RIT2: variants seen among roughly 807,000 people sequenced by gnomAD.
RIT2 encodes Ras like without CAAX 2.
A neutral mutation model predicts 23.7 loss-of-function variants in RIT2; 24 were observed. That is an observed-to-expected ratio of 1.01 (90% CI 0.73 to 1.43). The LOEUF is 1.43. Among genes scored for constraint, RIT2 ranks in the 40% most tolerant of loss-of-function variants. The pLI is 0.00. For missense variants in RIT2, 236 were observed against 266.9 expected, an observed-to-expected ratio of 0.88 and a Z score of 0.81; for synonymous variants, 107 against 91.1, an observed-to-expected ratio of 1.17 and a Z score of -0.99.
At chr18:42,862,770 A>G (rs768235198) in intron 4 of RIT2, among the ~76,000 whole-genome samples, 18 of 152,202 alleles carry the variant, frequency 1.2e-4, no homozygotes, top group Non-Finnish European at 2.5e-4. Flanking sequence ...CGTGTTGGTT[A>G]ACATTAGTGT....
rs192171707 is a variant in RIT2, at chr18:42,856,484, T to C, written c.426+67088A>G. On this transcript the variant is annotated intron_variant, in intron 4 of 4. Transcript: ENST00000326695. ...TTTTCATTCTATGAAGCCTTCTGTGTATACACATTAAATTCATTTGTATGC... is the reference window on the plus strand; with the variant it reads ...TTTTCATTCTATGAAGCCTTCTGTGCATACACATTAAATTCATTTGTATGC... 1.2e-4 allele frequency among the ~76,000 whole-genome samples: 19 copies of C among 152,364 alleles called. No homozygotes were observed. The East Asian group carries it at 3.7e-3, about 29-fold the overall frequency.
chr18:42,901,963 T>C (rs940235319), intron 4 of RIT2, among the ~76,000 whole-genome samples: 2 of 151,976 alleles, frequency 1.3e-5, no homozygotes, highest in Non-Finnish European at 2.9e-5. Context: ...TGAATGAAGA[T>C]GCAGATATAG....
chr18:42,901,121 A>C (rs1463706194), intron 4 of RIT2, among the ~76,000 whole-genome samples: 1 of 152,078 alleles, frequency 6.6e-6, no homozygotes, highest in Non-Finnish European at 1.5e-5. Flanking sequence ...TCATAGTATA[A>C]AGAATGGCAG....
At chr18:43,039,047 G>C (rs138123161) in intron 1 of RIT2, among the ~76,000 whole-genome samples, 1 of 152,080 alleles carries the variant, frequency 6.6e-6, no homozygotes, top group African/African-American at 2.4e-5. Context: ...ACATCTTGAA[G>C]ATGAATACCA....
chr18:42,799,902 A>T (rs573739691), intron 4 of RIT2, among the ~76,000 whole-genome samples: 2 of 152,152 alleles, frequency 1.3e-5, no homozygotes, highest in East Asian at 1.9e-4. Context: ...TTCTCCCACC[A>T]TTATTATAGA....
chr18:42,820,435 T>C (rs944389248), intron 4 of RIT2, among the ~76,000 whole-genome samples: 1 of 152,168 alleles, frequency 6.6e-6, no homozygotes, highest in Non-Finnish European at 1.5e-5. Context: ...TTCTCTGGTC[T>C]CTGCCCCAGC....
chr18:42,974,328 T>G (rs1003044693), intron 2 of RIT2, among the ~76,000 whole-genome samples, 181 bp from the exon 3 acceptor site: 1 of 152,020 alleles, frequency 6.6e-6, no homozygotes, highest in Non-Finnish European at 1.5e-5. Flanking sequence ...GTGTTTCTGC[T>G]TATGGTGAAA....
chr18:42,971,791 T>C (rs1184233391), intron 3 of RIT2, among the ~76,000 whole-genome samples: 2 of 151,988 alleles, frequency 1.3e-5, no homozygotes, highest in Non-Finnish European at 2.9e-5. Context: ...TCTTGAGAAG[T>C]AGCACAAGTA....
At chr18:42,772,846 T>G (rs1913583195) in intron 4 of RIT2, among the ~76,000 whole-genome samples, 2 of 152,162 alleles carry the variant, frequency 1.3e-5, no homozygotes, top group Non-Finnish European at 2.9e-5. Context: ...TAGTTGGAAA[T>G]GATTTTTGCC....
At chr18:43,024,221 T>C (rs1471464475) in intron 2 of RIT2, among the ~76,000 whole-genome samples, 2 of 152,008 alleles carry the variant, frequency 1.3e-5, no homozygotes, top group Non-Finnish European at 2.9e-5. Flanking sequence ...CATAGATCAA[T>C]GACACAGAAT....
intron 4 of RIT2, among the ~76,000 whole-genome samples, chr18:42,814,004 G>T (rs1905923440): frequency 6.6e-6 from 1 of 152,142 alleles, no homozygotes; most frequent in South Asian, 2.1e-4. Flanking sequence ...CCTACCTGGA[G>T]CTGAGTCAAT....
At chr18:42,792,269 G>A (rs1011575791) in intron 4 of RIT2, among the ~76,000 whole-genome samples, 2 of 152,044 alleles carry the variant, frequency 1.3e-5, no homozygotes, top group African/African-American at 4.8e-5. Flanking sequence ...TTGATTTGCA[G>A]CTGATTTAAT....
chr18:42,991,284 G>A (rs1598740800), intron 2 of RIT2, among the ~76,000 whole-genome samples: 1 of 152,156 alleles, frequency 6.6e-6, no homozygotes, highest in African/African-American at 2.4e-5. Context: ...CTGGTGCCAT[G>A]TGTATTTGAA....
intron 1 of RIT2, among the ~76,000 whole-genome samples, chr18:43,061,784 C>A (rs929386762): frequency 6.6e-6 from 1 of 152,096 alleles, no homozygotes; most frequent in Admixed American, 6.6e-5. Flanking sequence ...AGCTAGCTTT[C>A]GGTTGCTCTA....
chr18:42,793,963 T>A (rs556097352), intron 4 of RIT2, among the ~76,000 whole-genome samples: 305 of 152,210 alleles, frequency 2.0e-3, no homozygotes, highest in African/African-American at 6.6e-3. Flanking sequence ...CATATCCAAA[T>A]CCCTTACAAT....
At chr18:42,884,326 G>T (rs1433750097) in intron 4 of RIT2, among the ~76,000 whole-genome samples, 1 of 152,180 alleles carries the variant, frequency 6.6e-6, no homozygotes, top group Non-Finnish European at 1.5e-5. Context: ...TTTCTTTAAT[G>T]TCAACAGTTG....
At chr18:43,065,899 G>GA (rs920509145) in intron 1 of RIT2, among the ~76,000 whole-genome samples, 4 of 151,990 alleles carry the variant, frequency 2.6e-5, no homozygotes, top group African/African-American at 4.8e-5. Flanking sequence ...AGTTGGGGTA[G>GA]AAAAAAACAC....
At chr18:42,939,767 A>G (rs933747599) in intron 3 of RIT2, among the ~76,000 whole-genome samples, 4 of 152,112 alleles carry the variant, frequency 2.6e-5, no homozygotes, top group Non-Finnish European at 5.9e-5. Context: ...CTCCCTTCCA[A>G]CATTATTGCT....
intron 2 of RIT2, among the ~76,000 whole-genome samples, chr18:42,994,131 A>T (rs576939829): frequency 6.6e-6 from 1 of 152,202 alleles, no homozygotes; most frequent in Non-Finnish European, 1.5e-5. Flanking sequence ...GATCTCAAAC[A>T]TGCTTTCTTT....
Sources: allele counts gnomAD v4.1 joint callset (sites outside exome capture counted in the v4.1 genomes callset), GRCh38; gene constraint gnomAD v4.1.1; transcripts MANE v1.5; gene names NCBI Gene and HGNC (gene_info 2026-07-23, HGNC 2026-07-21).